The following EIF4B variants were observed in gnomAD, a reference collection of about 807,000 sequenced individuals.
EIF4B encodes eukaryotic translation initiation factor 4B.
In EIF4B, 8 loss-of-function variants were observed where a neutral mutation model predicts 79.3. The ratio of observed to expected loss-of-function variants is 0.10; its 90% CI spans 0.06 to 0.18. The LOEUF (loss-of-function observed/expected upper bound fraction) is 0.18, where lower values mean the gene tolerates loss of function less well. EIF4B is among the 10% of genes least tolerant of loss of function. The pLI, the probability that EIF4B is intolerant of heterozygous loss-of-function variation, is 1.00. For synonymous variants in EIF4B, 238 were observed against 274.7 expected, an observed-to-expected ratio of 0.87 and a Z score of 1.32; for missense variants, 515 against 792.4, an observed-to-expected ratio of 0.65 and a Z score of 4.20.
intron 6 of EIF4B, among the ~76,000 whole-genome samples, chr12:53,023,325 T>C (rs2120930959): frequency 6.6e-6 from 1 of 152,260 alleles, no homozygotes; most frequent in African/African-American, 2.4e-5. Flanking sequence ...CTCCACCTCC[T>C]GGATTCAAGT....
intron 1 of EIF4B, among the ~76,000 whole-genome samples, chr12:53,008,245 C>A (rs1358995015): frequency 2.6e-5 from 4 of 152,108 alleles, no homozygotes; most frequent in Non-Finnish European, 5.9e-5. Flanking sequence ...TTCGTTTTAC[C>A]GAGTTGAGGG....
chr12:53,037,341 T>C, intron 10 of EIF4B, 68 bp from the exon 11 acceptor site: 2 of 1,533,222 alleles, frequency 1.3e-6, no homozygotes, highest in South Asian at 1.2e-5. Context: ...TTCCACACTG[T>C]TGAGATCCTG....
intron 1 of EIF4B, among the ~76,000 whole-genome samples, chr12:53,015,694 G>A (rs551405574): frequency 1.6e-5 from 2 of 121,498 alleles, no homozygotes; most frequent in Admixed American, 8.7e-5. Context: ...AAAAAAAAAT[G>A]GGGCCGGGTG....
At position 53,027,137 on chromosome 12, in the gene EIF4B, A is replaced by ATTT. The variant is rs71095967; in HGVS notation, c.668-627_668-625dup. Among the ~76,000 whole-genome samples the ATTT allele has an allele frequency of 3.1e-4, 8 of 25,742 alleles. 1 individual carries two copies. Among genetic ancestry groups the ATTT allele is most frequent in the African/African-American group, 5.7e-4 (7 of 12,228 alleles). The allele number at this position is 25,742 out of a possible 152,430, so 16.9% of individuals were successfully genotyped here. A position where few individuals can be genotyped will look rare whatever the true frequency, so the allele number is the denominator to read the frequency against. Reference sequence around the variant, plus strand: ...AGACTGTCTCTCAAAAAAAAAAAAAATTTTTTTTTTTTTTTTTTTTGAGAC... The same window carrying ATTT: ...AGACTGTCTCTCAAAAAAAAAAAAAATTTTTTTTTTTTTTTTTTTTTTTGAGAC... On this transcript the variant is annotated intron_variant, in intron 6 of 14. Transcript: ENST00000262056.
At chr12:53,014,473 A>G (rs933856618) in intron 1 of EIF4B, 1 of 152,048 alleles carries the variant, frequency 6.6e-6, no homozygotes, top group Non-Finnish European at 1.5e-5. Context: ...CATAAACAAT[A>G]CTTTTGGAGC....
chr12:53,024,481 G>A (rs908059814), intron 6 of EIF4B, among the ~76,000 whole-genome samples: 2 of 151,882 alleles, frequency 1.3e-5, no homozygotes, highest in Non-Finnish European at 2.9e-5. Context: ...GGAAAATTCT[G>A]TTTTTAGTCT....
intron 11 of EIF4B, 48 bp downstream of exon 11, chr12:53,037,670 A>G: frequency 6.3e-7 from 1 of 1,591,068 alleles, no homozygotes; most frequent in South Asian, 1.1e-5. Flanking sequence ...ATTCTAAAAT[A>G]CTGTGATGTA....
At chr12:53,008,816 CACT>C (rs1943013225) in intron 1 of EIF4B, among the ~76,000 whole-genome samples, 1 of 151,992 alleles carries the variant, frequency 6.6e-6, no homozygotes, top group South Asian at 2.1e-4. Flanking sequence ...GCGGGCGGAT[CACT>C]AGGTCAGGAG....
At chr12:53,013,941 A>G (rs1224704302) in intron 1 of EIF4B, 1 of 152,012 alleles carries the variant, frequency 6.6e-6, no homozygotes, top group Non-Finnish European at 1.5e-5. Context: ...CGGGTGGACC[A>G]CTTGAGGCCA....
chr12:53,030,506 C>T (rs1943422034), intron 8 of EIF4B, among the ~76,000 whole-genome samples: 1 of 136,794 alleles, frequency 7.3e-6, no homozygotes, highest in African/African-American at 2.6e-5. Context: ...ACTGCAACCT[C>T]TGCCTCCCAG....
At position 53,041,235 on chromosome 12, in the gene EIF4B, A is replaced by C. The variant is rs1382164733; in HGVS notation, c.*1012A>C. On this transcript the variant is annotated 3_prime_UTR_variant, in exon 15 of 15. Transcript: ENST00000262056. ...TCAGCCATGGAGAACTCTGAAAGGAAGAATCGCTGCTTTTCTCAAGCAAAT... is the reference window on the plus strand; with the variant it reads ...TCAGCCATGGAGAACTCTGAAAGGACGAATCGCTGCTTTTCTCAAGCAAAT... The C allele has an allele frequency of 6.6e-6, 1 of 152,206 alleles. No homozygotes were observed. Among genetic ancestry groups the C allele is most frequent in the East Asian group, 1.9e-4 (1 of 5,198 alleles). The allele number at this position is 152,206 out of a possible 1,614,324, so 9.4% of individuals were successfully genotyped here. A position where few individuals can be genotyped will look rare whatever the true frequency, so the allele number is the denominator to read the frequency against.
intron 1 of EIF4B, among the ~76,000 whole-genome samples, chr12:53,007,193 A>T (rs1205539259): frequency 6.6e-6 from 1 of 152,000 alleles, no homozygotes; most frequent in East Asian, 1.9e-4. Context: ...TGTGTGTGTT[A>T]GCCTTGGAGG....
At chr12:53,019,260 G>A (rs1214534716) in intron 3 of EIF4B, among the ~76,000 whole-genome samples, 1 of 151,838 alleles carries the variant, frequency 6.6e-6, no homozygotes, top group East Asian at 1.9e-4. Context: ...TTAGCTGGGC[G>A]TGGTGGTACA....
chr12:53,015,743 G>A (rs1196493494), intron 1 of EIF4B, among the ~76,000 whole-genome samples: 2 of 150,952 alleles, frequency 1.3e-5, no homozygotes, highest in Middle Eastern at 3.2e-3. Context: ...TTCGGAGGCC[G>A]AGGCAGGAGG....
chr12:53,012,952 G>A (rs1002757560), intron 1 of EIF4B, among the ~76,000 whole-genome samples: 1 of 152,182 alleles, frequency 6.6e-6, no homozygotes, highest in African/African-American at 2.4e-5. Flanking sequence ...AATCAGAGGA[G>A]GGGGAGACTT....
At chr12:53,007,966 C>A (rs987122844) in intron 1 of EIF4B, among the ~76,000 whole-genome samples, 1 of 152,170 alleles carries the variant, frequency 6.6e-6, no homozygotes. Flanking sequence ...CTTTGAGACT[C>A]CTTAGCAACT....
intron 12 of EIF4B, 182 bp from the exon 13 acceptor site, chr12:53,039,056 G>T: frequency 6.1e-6 from 3 of 495,384 alleles, no homozygotes; most frequent in Non-Finnish European, 7.1e-6. Context: ...TTTGTTTTTT[G>T]TATTTTTGTG....
intron 5 of EIF4B, chr12:53,022,196 G>C (rs1364630073): frequency 1.5e-6 from 1 of 669,632 alleles, no homozygotes; most frequent in African/African-American, 1.8e-5. Context: ...ATGATAAATA[G>C]ATTAGCTGCC....
Position 53,007,055 on chromosome 12 carries a change from G to T in EIF4B, c.13+559G>T, listed in dbSNP as rs80186964. Among the ~76,000 whole-genome samples, 868 of 152,298 alleles carry T rather than the reference G, an allele frequency of 5.7e-3. 10 individuals are homozygous for T. The highest frequency in any genetic ancestry group is 0.02 in the African/African-American group (827 of 41,558). ...ACACGAGGGTAGTAGAGACGGGCGC[G>T]CCTTCAATGCGTGCGCTAGAACCCA... On this transcript the variant is annotated intron_variant, in intron 1 of 14. Transcript: ENST00000262056.
Sources: gnomAD v4.1 joint callset for allele counts (sites outside exome capture counted in the v4.1 genomes callset) on GRCh38, gnomAD v4.1.1 for gene constraint, MANE v1.5 for transcripts, NCBI Gene and HGNC (gene_info 2026-07-23, HGNC 2026-07-21) for gene names.